SOD2: variants seen among roughly 807,000 people sequenced by gnomAD.
SOD2 encodes superoxide dismutase [Mn], mitochondrial.
Under a neutral mutation model 27.0 loss-of-function variants are expected in SOD2, and 11 were observed. The ratio of observed to expected loss-of-function variants is 0.41; its 90% CI spans 0.26 to 0.67. The LOEUF (loss-of-function observed/expected upper bound fraction) is 0.67, where lower values mean the gene tolerates loss of function less well. Ranked by LOEUF, SOD2 falls within the 30% of genes least tolerant of loss-of-function variation. The pLI, the probability that SOD2 is intolerant of heterozygous loss-of-function variation, is 0.34. For synonymous variants in SOD2, 105 were observed against 103.0 expected, an observed-to-expected ratio of 1.02 and a Z score of -0.12; for missense variants, 250 against 274.5, an observed-to-expected ratio of 0.91 and a Z score of 0.63.
At chr6:159,706,842 T>G (rs1047804113) in intron 1 of SOD2, among the ~76,000 whole-genome samples, 2 of 152,170 alleles carry the variant, frequency 1.3e-5, no homozygotes, top group East Asian at 1.9e-4. Context: ...ATCGCACCTA[T>G]TCCAAAACTG....
At chr6:159,738,929 C>T in intron 1 of SOD2, 2 of 1,266,324 alleles carry the variant, frequency 1.6e-6, no homozygotes, top group African/African-American at 1.5e-5. Flanking sequence ...TCATAGGTCT[C>T]ATTATAGAAC....
chr6:159,755,654 A>G (rs1170358527), intron 1 of SOD2: 1 of 1,505,528 alleles, frequency 6.6e-7, no homozygotes, highest in South Asian at 1.3e-5. Context: ...TTAATTTGGG[A>G]GAGGATACTG....
intron 1 of SOD2, chr6:159,742,206 A>ACTATCCTTTTGATTTT: frequency 7.2e-7 from 1 of 1,388,486 alleles, no homozygotes; most frequent in Non-Finnish European, 1.0e-6. Flanking sequence ...GTTAAAATCA[A>ACTATCCTTTTGATTTT]AAGGATAGTT....
At chr6:159,748,055 T>G (rs1274279632), upstream of SOD2, 1 of 1,155,470 alleles carries the variant, frequency 8.7e-7, no homozygotes, top group East Asian at 2.6e-5. The surrounding 1 kb of genome is among the most constrained non-coding windows in gnomAD (Gnocchi z 5.6). Flanking sequence ...AAGATTTTTC[T>G]AGAGAATTTC....
chr6:159,701,996 C>G (rs1777530664), intron 1 of SOD2, among the ~76,000 whole-genome samples: 1 of 152,192 alleles, frequency 6.6e-6, no homozygotes, highest in Non-Finnish European at 1.5e-5. Flanking sequence ...CAAAATCTCC[C>G]TGCCTTGTAT....
upstream of SOD2, among the ~76,000 whole-genome samples, chr6:159,694,896 G>A (rs1265251798): frequency 1.3e-4 from 20 of 151,972 alleles, no homozygotes; most frequent in African/African-American, 4.6e-4. Context: ...GAGCCACGGC[G>A]CCCGGCCTAT....
upstream of SOD2, among the ~76,000 whole-genome samples, chr6:159,730,201 T>C (rs1450630842): frequency 1.3e-5 from 2 of 152,214 alleles, no homozygotes; most frequent in Non-Finnish European, 2.9e-5. Flanking sequence ...ATTTTCATCC[T>C]GGAAAATGGG....
chr6:159,760,136 G>T (rs1175048725), intron 1 of SOD2: 1 of 152,232 alleles, frequency 6.6e-6, no homozygotes, highest in East Asian at 1.9e-4. Flanking sequence ...TTTTCTGGAA[G>T]AAGTGATGTT....
upstream of SOD2, among the ~76,000 whole-genome samples, chr6:159,749,581 A>G (rs1271119109): frequency 6.6e-6 from 1 of 152,140 alleles, no homozygotes; most frequent in African/African-American, 2.4e-5. Flanking sequence ...GCTGTGCCTC[A>G]TTTTTAAAAG....
chr6:159,729,390 C>T (rs1778426498), upstream of SOD2, among the ~76,000 whole-genome samples: 1 of 152,136 alleles, frequency 6.6e-6, no homozygotes, highest in South Asian at 2.1e-4. Flanking sequence ...CACAGAAAAA[C>T]TTTTCAGTAT....
chr6:159,728,224 G>A (rs536889201), upstream of SOD2, among the ~76,000 whole-genome samples: 1 of 152,282 alleles, frequency 6.6e-6, no homozygotes, highest in East Asian at 1.9e-4. Context: ...GCAGATTTTT[G>A]TGAAATCCAA....
upstream of SOD2, chr6:159,748,593 C>T (rs184315896): frequency 2.7e-4 from 369 of 1,362,478 alleles, no homozygotes; most frequent in African/African-American, 4.9e-3. This position sits in a 1 kb window ranked among gnomAD's most constrained non-coding sequence, Gnocchi z 5.6. Flanking sequence ...GCTTCAGAGG[C>T]CTGATGGCGT....
intron 1 of SOD2, among the ~76,000 whole-genome samples, chr6:159,698,297 A>AC (rs61374582): frequency 1.4e-5 from 2 of 146,080 alleles, no homozygotes; most frequent in Admixed American, 6.8e-5. Context: ...AAACAAACAA[A>AC]AAACAAAACA....
At chr6:159,745,867 T>C (rs542720355), upstream of SOD2, among the ~76,000 whole-genome samples, 19 of 152,102 alleles carry the variant, frequency 1.2e-4, no homozygotes, top group Non-Finnish European at 2.5e-4. Context: ...AATAGGTGTT[T>C]TGGAGGCACA....
intron 1 of SOD2, chr6:159,753,365 AT>A (rs778187390): frequency 1.3e-6 from 2 of 1,531,048 alleles, no homozygotes; most frequent in Non-Finnish European, 1.8e-6. Flanking sequence ...TGATATAGTT[AT>A]GTTTGTATGT....
intron 1 of SOD2, among the ~76,000 whole-genome samples, chr6:159,701,151 G>A (rs1777516665): frequency 6.6e-6 from 1 of 152,136 alleles, no homozygotes; most frequent in Admixed American, 6.5e-5. Context: ...GGAGATTTGA[G>A]AAACCATGGT....
chr6:159,685,399 C>T (rs1412759881), intron 3 of SOD2, among the ~76,000 whole-genome samples: 6 of 151,788 alleles, frequency 4.0e-5, no homozygotes, highest in African/African-American at 1.2e-4. Context: ...CGTGCCATCA[C>T]GCCCGGCTAA....
chr6:159,704,633 C>T (rs1020238179), intron 1 of SOD2, among the ~76,000 whole-genome samples: 4 of 152,194 alleles, frequency 2.6e-5, no homozygotes, highest in African/African-American at 4.8e-5. Flanking sequence ...CCAGGAAGCT[C>T]GGACTGGATG....
At chr6:159,685,309 C>T (rs1303411670) in intron 3 of SOD2, among the ~76,000 whole-genome samples, 2 of 130,752 alleles carry the variant, frequency 1.5e-5, no homozygotes, top group Non-Finnish European at 3.1e-5. Flanking sequence ...ATGCCATGAT[C>T]TCGGGTCACT....
Sources: gnomAD v4.1 joint callset for allele counts (sites outside exome capture counted in the v4.1 genomes callset) on GRCh38, gnomAD v4.1.1 for gene constraint, Gnocchi (gnomAD v3.1) non-coding constraint, MANE v1.5 for transcripts, NCBI Gene and HGNC (gene_info 2026-07-23, HGNC 2026-07-21) for gene names.